The following CADM2 variants were observed in gnomAD, a reference collection of about 807,000 sequenced individuals.
CADM2 encodes cell adhesion molecule 2.
A neutral mutation model predicts 49.8 loss-of-function variants in CADM2; 12 were observed. The observed-to-expected ratio is 0.24, with a 90% CI of 0.15 to 0.39. The LOEUF (loss-of-function observed/expected upper bound fraction) is 0.39, where lower values mean the gene tolerates loss of function less well. Ranked by LOEUF, CADM2 falls within the 10% of genes least tolerant of loss-of-function variation. CADM2 has a pLI of 1.00. For missense variants in CADM2, 378 were observed against 492.3 expected (o/e 0.77, Z 2.20); for synonymous variants, 214 against 175.4 (o/e 1.22, Z -1.74).
intron 2 of CADM2, among the ~76,000 whole-genome samples, chr3:85,796,229 T>C (rs2071612635): frequency 6.6e-6 from 1 of 152,232 alleles, no homozygotes; most frequent in South Asian, 2.1e-4. Context: ...ATTATATCAA[T>C]ATCAGGGACC....
chr3:85,483,539 G>T (rs1399051331), intron 1 of CADM2, among the ~76,000 whole-genome samples: 1 of 150,370 alleles, frequency 6.7e-6, no homozygotes, highest in Non-Finnish European at 1.5e-5. Context: ...GGTGCTTCAG[G>T]TACAGATACA....
At chr3:86,018,282 G>T (rs1732595649) in intron 8 of CADM2, among the ~76,000 whole-genome samples, 1 of 130,780 alleles carries the variant, frequency 7.6e-6, no homozygotes. Context: ...TATCATTGTT[G>T]GACATTTGGG....
chr3:85,785,070 T>A (rs576138965), intron 2 of CADM2, among the ~76,000 whole-genome samples: 22 of 152,274 alleles, frequency 1.4e-4, no homozygotes, highest in Non-Finnish European at 2.9e-4. Flanking sequence ...TTTATTGGCA[T>A]ATAGTTAACA....
chr3:84,966,889 T>C (rs2031039501), intron 1 of CADM2, among the ~76,000 whole-genome samples: 1 of 152,030 alleles, frequency 6.6e-6, no homozygotes, highest in Admixed American at 6.6e-5. Flanking sequence ...AATACTGATG[T>C]CATTAGGCAT....
At chr3:84,975,358 A>G (rs2031750328) in intron 1 of CADM2, among the ~76,000 whole-genome samples, 1 of 151,978 alleles carries the variant, frequency 6.6e-6, no homozygotes, top group East Asian at 1.9e-4. Flanking sequence ...GGAAAGGCAA[A>G]TAAGAGAAAA....
At chr3:85,816,089 T>C (rs2073183979) in intron 3 of CADM2, among the ~76,000 whole-genome samples, 1 of 151,882 alleles carries the variant, frequency 6.6e-6, no homozygotes, top group Admixed American at 6.6e-5. Context: ...ATAAGATGTA[T>C]TATTTAAAGT....
intron 1 of CADM2, among the ~76,000 whole-genome samples, chr3:85,263,887 T>C (rs1174732131): frequency 6.6e-6 from 1 of 152,172 alleles, no homozygotes; most frequent in Non-Finnish European, 1.5e-5. Context: ...TAATTTGGAA[T>C]GTGTCCTGAA....
Position 84,987,411 on chromosome 3 carries a change from A to G in CADM2, c.61+27743A>G, listed in dbSNP as rs551434631. Among the ~76,000 whole-genome samples the G allele has an allele frequency of 4.6e-5, 7 of 152,206 alleles. 1 individual carries two copies. The South Asian group carries it at 1.2e-3, about 27-fold the overall frequency. ...GGATTTTTCTTACTGCTTGTGAAGAACTAAAGTTCAGCTCCAATTCTCTTC... is the reference window on the plus strand; with the variant it reads ...GGATTTTTCTTACTGCTTGTGAAGAGCTAAAGTTCAGCTCCAATTCTCTTC... On this transcript the variant is annotated intron_variant, in intron 1 of 9. Coordinates refer to ENST00000383699, the MANE Select transcript of CADM2 (RefSeq NM_001167675.2).
At chr3:85,494,455 T>C (rs1008713947) in intron 1 of CADM2, among the ~76,000 whole-genome samples, 2 of 152,150 alleles carry the variant, frequency 1.3e-5, no homozygotes, top group Non-Finnish European at 2.9e-5. Context: ...CCTAGAATCT[T>C]GTGTAATGCA....
intron 1 of CADM2, among the ~76,000 whole-genome samples, chr3:85,113,461 G>T (rs1042696480): frequency 4.0e-5 from 6 of 151,846 alleles, no homozygotes; most frequent in Non-Finnish European, 8.8e-5. Flanking sequence ...ATAGTGTACA[G>T]AATAAAGTTC....
chr3:85,299,224 C>T (rs2044036596), intron 1 of CADM2, among the ~76,000 whole-genome samples: 1 of 151,976 alleles, frequency 6.6e-6, no homozygotes, highest in African/African-American at 2.4e-5. Context: ...CTATTATTTG[C>T]TAAATATAAA....
chr3:85,781,158 T>A (rs2070622102), intron 2 of CADM2, among the ~76,000 whole-genome samples: 1 of 152,188 alleles, frequency 6.6e-6, no homozygotes, highest in Non-Finnish European at 1.5e-5. Context: ...TGTCGGTACT[T>A]GCAACTAATT....
chr3:85,347,621 A>G (rs1423256284), intron 1 of CADM2, among the ~76,000 whole-genome samples: 8 of 95,286 alleles, frequency 8.4e-5, no homozygotes, highest in South Asian at 3.3e-4. Flanking sequence ...ATATATATAC[A>G]TATATATAAA....
intron 8 of CADM2, among the ~76,000 whole-genome samples, chr3:86,060,224 CA>C (rs71128113): frequency 3.8e-4 from 55 of 144,430 alleles, no homozygotes; most frequent in East Asian, 4.0e-4. Flanking sequence ...GTTTTAATGT[CA>C]AAAAAAAAAG....
intron 3 of CADM2, among the ~76,000 whole-genome samples, chr3:85,855,564 T>C (rs1230795854): frequency 7.0e-6 from 1 of 142,430 alleles, no homozygotes; most frequent in Non-Finnish European, 1.5e-5. Context: ...TATATATTTA[T>C]ATTTATATAT....
At chr3:85,401,334 G>A (rs2107439911) in intron 1 of CADM2, among the ~76,000 whole-genome samples, 1 of 152,288 alleles carries the variant, frequency 6.6e-6, no homozygotes. Context: ...GTCTGCCAGA[G>A]AGATACTAGA....
intron 1 of CADM2, among the ~76,000 whole-genome samples, chr3:85,292,479 A>G (rs2043828614): frequency 6.6e-6 from 1 of 151,604 alleles, no homozygotes; most frequent in Non-Finnish European, 1.5e-5. Flanking sequence ...AAATCAACAG[A>G]ATATACATTT....
intron 1 of CADM2, among the ~76,000 whole-genome samples, chr3:85,312,319 T>C (rs974934187): frequency 6.6e-6 from 1 of 152,170 alleles, no homozygotes; most frequent in African/African-American, 2.4e-5. Context: ...AGTATTAAAA[T>C]TTAAGCTAAT....
chr3:85,856,013 G>A lies in CADM2; in HGVS notation c.239-27278G>A, dbSNP rs943360156. Among the ~76,000 whole-genome samples the A allele has an allele frequency of 7.2e-5, 11 of 152,170 alleles. No homozygotes were observed. The East Asian group carries it at 1.4e-3, about 19-fold the overall frequency. On this transcript the variant is annotated intron_variant, in intron 3 of 9. Coordinates refer to ENST00000383699, the MANE Select transcript of CADM2 (RefSeq NM_001167675.2). ...TGCAGCATTGCATTAGTTCATACTCGTTATTTAATTTCCTGACCCTCTTCT... is the reference window on the plus strand; with the variant it reads ...TGCAGCATTGCATTAGTTCATACTCATTATTTAATTTCCTGACCCTCTTCT...
Sources: gnomAD v4.1 joint callset for allele counts (sites outside exome capture counted in the v4.1 genomes callset) on GRCh38, gnomAD v4.1.1 for gene constraint, MANE v1.5 for transcripts, NCBI Gene and HGNC (gene_info 2026-07-23, HGNC 2026-07-21) for gene names.